Variants in ZNF532 observed in about 807,000 individuals in gnomAD.
ZNF532 encodes the protein zinc finger protein 532.
Under a neutral mutation model 89.3 loss-of-function variants are expected in ZNF532, and 22 were observed. That is an observed-to-expected ratio of 0.25 (90% CI 0.18 to 0.35). The LOEUF (loss-of-function observed/expected upper bound fraction) is 0.35. Among genes scored for constraint, ZNF532 ranks in the 10% least tolerant of loss-of-function variants. ZNF532 has a pLI of 1.00. For synonymous variants in ZNF532, 606 were observed against 649.6 expected, an observed-to-expected ratio of 0.93 and a Z score of 1.02; for missense variants, 1,132 against 1,643.4, an observed-to-expected ratio of 0.69 and a Z score of 5.38.
intron 7 of ZNF532, among the ~76,000 whole-genome samples, chr18:58,977,922 C>A (rs1438403212): frequency 6.6e-6 from 1 of 152,180 alleles, no homozygotes; most frequent in Non-Finnish European, 1.5e-5. Context: ...ATGAAAACTT[C>A]GTCCCACTTC....
rs553554734 is a variant in ZNF532, at chr18:58,905,093, C to T, written c.-17-13178C>T. ...CTGGCCTCAAGTGGTCTACCTGCCT[C>T]GGCCTCTGGAAGTGCTGGGACTACA... On this transcript the variant is annotated intron_variant, in intron 2 of 9. Coordinates refer to ENST00000591808, the MANE Select transcript of ZNF532 (RefSeq NM_001375912.1). 3.9e-3 allele frequency among the ~76,000 whole-genome samples: 589 copies of T among 152,226 alleles called. 2 individuals carry two copies. The highest frequency in any genetic ancestry group is 0.014 in the African/African-American group (569 of 41,554).
chr18:58,911,147 G>A (rs17834511), intron 2 of ZNF532, among the ~76,000 whole-genome samples: 3,375 of 152,352 alleles, frequency 0.022, 122 homozygotes, highest in East Asian at 0.16. Flanking sequence ...CTTGAGCCAT[G>A]AAGGCTGCGT....
chr18:58,888,884 A>AT (rs2058665536), intron 2 of ZNF532, among the ~76,000 whole-genome samples: 1 of 54,188 alleles, frequency 1.8e-5, no homozygotes, highest in Non-Finnish European at 3.0e-5. Context: ...TATTATATAT[A>AT]TATATTTTAT....
At chr18:58,914,888 G>A (rs2060498183) in intron 2 of ZNF532, among the ~76,000 whole-genome samples, 1 of 152,154 alleles carries the variant, frequency 6.6e-6, no homozygotes, top group African/African-American at 2.4e-5. Context: ...ATGTTTTTAA[G>A]CAAAAGAATC....
At chr18:58,867,137 T>C (rs1375406032) in intron 2 of ZNF532, among the ~76,000 whole-genome samples, 1 of 152,272 alleles carries the variant, frequency 6.6e-6, no homozygotes, top group Non-Finnish European at 1.5e-5. Context: ...TTTTATTATT[T>C]AGTCCTTCAT....
In ZNF532 at chr18:58,920,222, G is replaced by A. The variant is rs1460918073; in HGVS notation, c.1935G>A (p.Thr645=). The A allele has an allele frequency of 1.4e-5, 22 of 1,613,762 alleles. No individual in the cohort carries two copies. Among genetic ancestry groups the A allele is most frequent in the Non-Finnish European group, 1.8e-5 (21 of 1,179,766 alleles). ...YDRRSVRIEV[T]CNHCTKNLVF... Reference sequence around the variant, plus strand: ...GACGGAGCGTGCGCATCGAAGTAACGTGCAACCATTGTACAAAGAACCTCG... The same window carrying A: ...GACGGAGCGTGCGCATCGAAGTAACATGCAACCATTGTACAAAGAACCTCG... Residue 645 remains threonine (T), a synonymous_variant, in exon 3 of 10, where the codon ACG becomes ACA. Coordinates refer to ENST00000591808, the MANE Select transcript of ZNF532 (RefSeq NM_001375912.1).
intron 3 of ZNF532, 113 bp downstream of exon 3, chr18:58,920,746 G>A (rs1156286830): frequency 3.9e-6 from 1 of 257,576 alleles, no homozygotes. Flanking sequence ...GTGTGTGTGT[G>A]TGTGTGTGTG....
intron 2 of ZNF532, among the ~76,000 whole-genome samples, chr18:58,888,745 AT>A (rs1568245586): frequency 0.019 from 901 of 47,026 alleles, 70 homozygotes; most frequent in East Asian, 0.17. Flanking sequence ...TATATATTTT[AT>A]ATATATATAA....
At position 58,918,684 on chromosome 18, in the gene ZNF532, T is replaced by C; in HGVS notation, c.397T>C (p.Ser133Pro). The change falls in exon 3 of 10, where the codon TCC (serine) becomes CCC (proline). Residue 133 changes from serine (S) to proline (P), a missense_variant. Ser to Pro is a moderately conservative substitution (Grantham distance 74). This residue lies in a region of ZNF532 where 302 missense variants were observed against 319.8 expected (regional missense o/e 0.94). Transcript: ENST00000591808. ...GACATTCAGCCAGTTTAGCCCGATC[T>C]CCAGTGCTGAAGAGTTTGATGACGA... ...DSTFSQFSPI[S>P]SAEEFDDDEK... The C allele has an allele frequency of 6.2e-7, 1 of 1,614,100 alleles. No individual in the cohort carries two copies. Among genetic ancestry groups the C allele is most frequent in the African/African-American group, 1.3e-5 (1 of 75,016 alleles).
At chr18:58,904,293 A>G (rs1262407190) in intron 2 of ZNF532, among the ~76,000 whole-genome samples, 1 of 151,946 alleles carries the variant, frequency 6.6e-6, no homozygotes, top group Non-Finnish European at 1.5e-5. Flanking sequence ...GGGAGGCTGC[A>G]GTGAGCCGAG....
chr18:58,934,389 G>T (rs1216404393), intron 3 of ZNF532, 44 bp from the exon 4 acceptor site: 2 of 1,573,266 alleles, frequency 1.3e-6, no homozygotes, highest in South Asian at 1.2e-5. Flanking sequence ...ATATTAGAAA[G>T]TACTTAGTAG....
At chr18:58,967,362 CT>C (rs1278003750) in intron 7 of ZNF532, among the ~76,000 whole-genome samples, 3 of 152,230 alleles carry the variant, frequency 2.0e-5, no homozygotes, top group African/African-American at 7.2e-5. Flanking sequence ...TCTCCTCCCC[CT>C]GGACCCTTGC....
chr18:58,968,967 A>C (rs2066192173), intron 7 of ZNF532, among the ~76,000 whole-genome samples: 1 of 152,326 alleles, frequency 6.6e-6, no homozygotes, highest in Admixed American at 6.5e-5. Context: ...CAACTAGAAA[A>C]TAACTTAGCC....
chr18:58,954,680 T>A lies in ZNF532; in HGVS notation c.3150+881T>A, dbSNP rs1211680623. On this transcript the variant is annotated intron_variant, in intron 7 of 9. Transcript: ENST00000591808. ...TTGATACTTTTTTTTTTTTAACTTG[T>A]TGACACTAGGAACCAACATGGAATT... Among the ~76,000 whole-genome samples the A allele has an allele frequency of 2.6e-5, 4 of 151,722 alleles. No homozygotes were observed. In the South Asian group the frequency reaches 8.3e-4, roughly 32 times the overall value.
intron 7 of ZNF532, among the ~76,000 whole-genome samples, chr18:58,967,985 G>A (rs749655413): frequency 2.0e-5 from 3 of 152,188 alleles, no homozygotes; most frequent in South Asian, 2.1e-4. Flanking sequence ...TATGGTACTC[G>A]TCTCTGAAAA....
chr18:58,888,722 TATA>T (rs2058508561), intron 2 of ZNF532, among the ~76,000 whole-genome samples: 2 of 36,888 alleles, frequency 5.4e-5, no homozygotes, highest in African/African-American at 3.0e-4. Flanking sequence ...TATATATATA[TATA>T]AATTATATAT....
chr18:58,983,827 G>T, intron 9 of ZNF532, 145 bp from the exon 10 acceptor site: 1 of 953,116 alleles, frequency 1.0e-6, no homozygotes. Flanking sequence ...TCCGGGTGGG[G>T]TGGCAGACAC....
In ZNF532 at chr18:58,865,346, G is replaced by A. The variant is rs927633140; in HGVS notation, c.-167G>A. Reference sequence around the variant, plus strand: ...GCTTTTTCTTTTAGAAGCTACTAAAGGGTGTTGGGGATGCTTCTGACTATT... The same window carrying A: ...GCTTTTTCTTTTAGAAGCTACTAAAAGGTGTTGGGGATGCTTCTGACTATT... On this transcript the variant is annotated 5_prime_UTR_variant, in exon 1 of 10. Transcript: ENST00000591808. 2.6e-5 allele frequency: 4 copies of A among 152,332 alleles called. No homozygotes were observed. The highest frequency in any genetic ancestry group is 1.5e-5 in the Non-Finnish European group (1 of 68,036). The allele number at this position is 152,332 out of a possible 1,614,324, so 9.4% of individuals were successfully genotyped here.
Position 58,953,324 on chromosome 18 carries a change from A to G in ZNF532, c.2869-194A>G, listed in dbSNP as rs185078434. 3.3e-5 allele frequency: 17 copies of G among 517,386 alleles called. No homozygotes were observed. The Admixed American group carries it at 5.9e-4, about 18-fold the overall frequency. 32.0% of individuals were successfully genotyped at this position (517,386 alleles called of 1,614,324 possible). A position where few individuals can be genotyped will look rare whatever the true frequency, so the allele number is the denominator to read the frequency against. ...CTTTAAAAAGCATTTGGAAAGAGAA[A>G]TGCATAACGTATAGCAGACTTTTAT... On this transcript the variant is annotated intron_variant, in intron 6 of 9. Transcript: ENST00000591808.
Sources: gnomAD v4.1 joint callset for allele counts (sites outside exome capture counted in the v4.1 genomes callset) on GRCh38, gnomAD v4.1.1 for gene constraint, gnomAD v4.1.1 regional missense constraint, MANE v1.5 for transcripts, NCBI Gene and HGNC (gene_info 2026-07-23, HGNC 2026-07-21) for gene names.